ITPRID1: variants seen among roughly 807,000 people sequenced by gnomAD.
ITPRID1 encodes ITPR interacting domain containing 1.
ITPRID1 carries 96 observed loss-of-function variants against 95.4 expected under a neutral mutation model. That is an observed-to-expected ratio of 1.01 (90% CI 0.85 to 1.19). The LOEUF is 1.19. Among genes scored for constraint, ITPRID1 ranks in the 50% most tolerant of loss-of-function variants. The pLI is 0.00. For missense variants in ITPRID1, 1,339 were observed against 1,252.9 expected, an observed-to-expected ratio of 1.07 and a Z score of -1.04; for synonymous variants, 510 against 453.6, an observed-to-expected ratio of 1.12 and a Z score of -1.58.
intron 10 of ITPRID1, among the ~76,000 whole-genome samples, chr7:31,640,153 A>G (rs1460819159): frequency 1.3e-5 from 2 of 152,140 alleles, no homozygotes; most frequent in Non-Finnish European, 2.9e-5. Context: ...TCTAAGGCTA[A>G]TTATTTCTTA....
chr7:31,617,333 G>A (rs1024125003), intron 10 of ITPRID1, among the ~76,000 whole-genome samples: 1 of 152,086 alleles, frequency 6.6e-6, no homozygotes, highest in South Asian at 2.1e-4. Flanking sequence ...AGCTATTAAA[G>A]AATAAGTGTT....
intron 10 of ITPRID1, among the ~76,000 whole-genome samples, chr7:31,640,436 C>G (rs1789915194): frequency 6.6e-6 from 1 of 152,198 alleles, no homozygotes; most frequent in Admixed American, 6.5e-5. Context: ...CCTTTGAACT[C>G]TAGCTGGCTC....
chr7:31,643,684 T>C lies in ITPRID1; in HGVS notation c.2314T>C (p.Leu772=). Residue 772 remains leucine (L), a synonymous_variant, in exon 12 of 15, where the codon TTG becomes CTG. Transcript: ENST00000615280. ...GACTTCAGCTCTAAGCAACAAGACC[T>C]TGACACATGGGCCCCAGCCCCTCAC... is the stretch of plus-strand genomic sequence containing the variant. ...IQTSALSNKT[L]THGPQPLTKS... 6.2e-7 allele frequency: 1 copy of C among 1,614,046 alleles called. No homozygotes were observed. Among genetic ancestry groups the C allele is most frequent in the Non-Finnish European group, 8.5e-7 (1 of 1,179,898 alleles).
chr7:31,607,024 G>A (rs1299856330), intron 10 of ITPRID1, among the ~76,000 whole-genome samples: 2 of 151,874 alleles, frequency 1.3e-5, no homozygotes, highest in Non-Finnish European at 2.9e-5. Context: ...GTTTCTCTTT[G>A]CCTTTTTCTT....
At chr7:31,627,379 C>A (rs2128188329) in intron 10 of ITPRID1, among the ~76,000 whole-genome samples, 1 of 152,160 alleles carries the variant, frequency 6.6e-6, no homozygotes, top group East Asian at 1.9e-4. Context: ...AAGTGAAGAC[C>A]AGACATGGTG....
intron 5 of ITPRID1, among the ~76,000 whole-genome samples, chr7:31,568,754 T>C (rs775309823): frequency 6.6e-6 from 1 of 152,234 alleles, no homozygotes; most frequent in Admixed American, 6.5e-5. Context: ...TCACATTTAC[T>C]TGTTTGCTCA....
Position 31,654,053 on chromosome 7 carries a change from CAAAAAAAAA to C in ITPRID1, c.*1235_*1243del, listed in dbSNP as rs70986698. On this transcript the variant is annotated 3_prime_UTR_variant, in exon 15 of 15. Transcript: ENST00000615280. ...GAAAGAGTTGGATGAAGAGTAAGTCCAAAAAAAAAAAAAAAAAAACCAACAAGCAAATAA... is the reference window on the plus strand; with the variant it reads ...GAAAGAGTTGGATGAAGAGTAAGTCCAAAAAAAAAACCAACAAGCAAATAA... Among the ~76,000 whole-genome samples the C allele has an allele frequency of 7.7e-6, 1 of 130,366 alleles. No individual in the cohort carries two copies. The highest frequency in any genetic ancestry group is 1.6e-5 in the Non-Finnish European group (1 of 61,598). 85.5% of individuals were successfully genotyped at this position (130,366 alleles called of 152,430 possible). A position where few individuals can be genotyped will look rare whatever the true frequency, so the allele number is the denominator to read the frequency against.
At chr7:31,637,079 T>C (rs1301606419) in intron 10 of ITPRID1, among the ~76,000 whole-genome samples, 2 of 152,130 alleles carry the variant, frequency 1.3e-5, no homozygotes, top group East Asian at 3.9e-4. Flanking sequence ...CATTTTTTTA[T>C]GGCTGCATAG....
chr7:31,519,616 C>CTATATATATATA (rs1340353008), intron 1 of ITPRID1, among the ~76,000 whole-genome samples: 29 of 38,466 alleles, frequency 7.5e-4, no homozygotes, highest in Non-Finnish European at 1.1e-3. Flanking sequence ...CTCTCTCTCT[C>CTATATATATATA]TCTCTATATA....
Position 31,550,415 on chromosome 7 carries a change from G to A in ITPRID1, c.-24+916G>A, listed in dbSNP as rs560549743. 2.2e-4 allele frequency among the ~76,000 whole-genome samples: 33 copies of A among 152,238 alleles called. 1 individual carries two copies. The highest frequency in any genetic ancestry group is 1.8e-3 in the Admixed American group (27 of 15,286). On this transcript the variant is annotated intron_variant, in intron 2 of 14. Transcript: ENST00000615280. ...CAAAGAATTAGCAAGAACTAGGTTCGAAATGGTCCTTGGGGCGGACAGACT... is the reference window on the plus strand; with the variant it reads ...CAAAGAATTAGCAAGAACTAGGTTCAAAATGGTCCTTGGGGCGGACAGACT...
chr7:31,648,636 A>G (rs936884984), intron 12 of ITPRID1, among the ~76,000 whole-genome samples: 7 of 152,260 alleles, frequency 4.6e-5, no homozygotes, highest in African/African-American at 9.6e-5. Context: ...ATAAAATTCA[A>G]TGTTTATGAT....
chr7:31,531,743 T>C (rs1033952446), intron 1 of ITPRID1, among the ~76,000 whole-genome samples: 1 of 152,180 alleles, frequency 6.6e-6, no homozygotes, highest in African/African-American at 2.4e-5. Context: ...TGGGTGTTTT[T>C]CTTTAGGCTT....
intron 7 of ITPRID1, 72 bp downstream of exon 7, chr7:31,572,260 A>G: frequency 1.1e-6 from 1 of 943,482 alleles, no homozygotes; most frequent in Non-Finnish European, 1.6e-6. Flanking sequence ...GAAATTATAA[A>G]TAGGCACTTG....
intron 5 of ITPRID1, among the ~76,000 whole-genome samples, chr7:31,565,790 C>G (rs1784781694): frequency 6.6e-6 from 1 of 152,000 alleles, no homozygotes; most frequent in Admixed American, 6.6e-5. Flanking sequence ...ATTTGTACAT[C>G]TAGGAGGGTG....
intron 10 of ITPRID1, among the ~76,000 whole-genome samples, chr7:31,629,441 A>G (rs1280580081): frequency 2.0e-5 from 3 of 152,244 alleles, no homozygotes; most frequent in African/African-American, 7.2e-5. Flanking sequence ...TCCCCTGGAC[A>G]GAAACACAGC....
intron 10 of ITPRID1, among the ~76,000 whole-genome samples, chr7:31,634,998 C>T (rs1789350179): frequency 6.6e-6 from 1 of 152,162 alleles, no homozygotes; most frequent in South Asian, 2.1e-4. Flanking sequence ...GTGCTGGTAC[C>T]ACTGCCATTA....
At chr7:31,642,576 C>A in intron 11 of ITPRID1, 106 bp from the exon 12 acceptor site, 1 of 1,019,756 alleles carries the variant, frequency 9.8e-7, no homozygotes. Flanking sequence ...TGTTGCAACC[C>A]TTATCTCCTG....
intron 10 of ITPRID1, among the ~76,000 whole-genome samples, chr7:31,641,578 TAG>T (rs1790021603): frequency 6.6e-6 from 1 of 152,174 alleles, no homozygotes; most frequent in South Asian, 2.1e-4. Context: ...AATCTACAGA[TAG>T]ATTTAACATT....
At position 31,553,072 on chromosome 7, in the gene ITPRID1, G is replaced by A; in HGVS notation, c.48G>A (p.Gln16=). The part of the protein sequence containing the change: ...SQGSDNLQEG[Q]EKSKREILKC... The stretch of plus-strand genomic sequence containing the variant: ...GATCTGACAACCTTCAGGAAGGCCA[G>A]GAAAAGAGCAAGAGAGAGATCCTGA... The change falls in exon 3 of 15, where the codon CAG becomes CAA. Residue 16 remains glutamine, a synonymous_variant. Coordinates refer to ENST00000615280, the MANE Select transcript of ITPRID1 (RefSeq NM_001257967.3). The A allele has an allele frequency of 7.5e-6, 12 of 1,608,894 alleles. No individual in the cohort carries two copies. Among genetic ancestry groups the A allele is most frequent in the Non-Finnish European group, 1.0e-5 (12 of 1,177,542 alleles).
Sources: allele counts gnomAD v4.1 joint callset (sites outside exome capture counted in the v4.1 genomes callset), GRCh38; gene constraint gnomAD v4.1.1; transcripts MANE v1.5; gene names NCBI Gene and HGNC (gene_info 2026-07-23, HGNC 2026-07-21).